Variants in COL19A1 observed in about 807,000 individuals in gnomAD.
COL19A1 encodes collagen alpha-1(XIX) chain.
Under a neutral mutation model 190.2 loss-of-function variants are expected in COL19A1, and 159 were observed. The ratio of observed to expected loss-of-function variants is 0.84; its 90% CI spans 0.73 to 0.95. The LOEUF (loss-of-function observed/expected upper bound fraction) is 0.95. Ranked by LOEUF, COL19A1 falls within the 40% of genes least tolerant of loss-of-function variation. The pLI is 0.00. For missense variants in COL19A1, 1,418 were observed against 1,431.9 expected (o/e 0.99, Z 0.16); for synonymous variants, 509 against 458.9 (o/e 1.11, Z -1.39).
rs73746887 is a variant in COL19A1 at position 70,167,428 on chromosome 6, G to C, written c.2446-597G>C. 7.1e-3 allele frequency among the ~76,000 whole-genome samples: 1,079 copies of C among 152,126 alleles called. 14 individuals carry two copies. The highest frequency in any genetic ancestry group is 0.021 in the African/African-American group (881 of 41,508). ...AACTATAGAATAAGTTCTCCTTTAA[G>C]TGTTGGTTACTCTAGGACATGTCAA... On this transcript the variant is annotated intron_variant, in intron 37 of 50. Coordinates refer to ENST00000620364, the MANE Select transcript of COL19A1 (RefSeq NM_001858.6).
intron 14 of COL19A1, among the ~76,000 whole-genome samples, chr6:70,049,227 A>G (rs1024843212): frequency 1.3e-5 from 2 of 151,976 alleles, no homozygotes; most frequent in African/African-American, 4.8e-5. Flanking sequence ...GAAACTAGTA[A>G]TCCAACTTAG....
rs554603409 is a variant in COL19A1, at chr6:70,135,416, C to G, written c.1384-2269C>G. On this transcript the variant is annotated intron_variant, in intron 18 of 50. Coordinates refer to ENST00000620364, the MANE Select transcript of COL19A1 (RefSeq NM_001858.6). ...GTCCTTCTGGTGACCAGCCCAATCC[C>G]GAAGCTACCTAGGGGCTGCCAGCTA... Among the ~76,000 whole-genome samples the G allele has an allele frequency of 3.3e-5, 5 of 152,268 alleles. No individual in the cohort carries two copies. In the East Asian group the frequency reaches 9.6e-4, roughly 29 times the overall value.
In COL19A1 at chr6:70,161,902, T is replaced by A. The variant is rs749768779; in HGVS notation, c.2295T>A (p.Gly765=). The A allele has an allele frequency of 1.1e-5, 18 of 1,606,934 alleles. No individual in the cohort carries two copies. The East Asian group carries it at 4.0e-4, about 36-fold the overall frequency. The change falls in exon 35 of 51, where the codon GGT becomes GGA. Residue 765 remains glycine (G), a splice_region_variant and synonymous_variant. Transcript: ENST00000620364. ...PGIPGEKGDE[G]LQGIPGIPGA... is the part of the protein sequence containing the mutation. ...ATGATGGGAACTATCTTTTCCAGGG[T>A]CTTCAAGGAATTCCAGGCATTCCAG... is the stretch of plus-strand genomic sequence containing the variant.
chr6:70,078,060 C>T (rs1408709033), intron 15 of COL19A1, among the ~76,000 whole-genome samples: 1 of 151,980 alleles, frequency 6.6e-6, no homozygotes, highest in Non-Finnish European at 1.5e-5. Flanking sequence ...TATTTGTCTT[C>T]GAAAGTATTT....
intron 47 of COL19A1, among the ~76,000 whole-genome samples, chr6:70,188,846 A>C (rs1234110621): frequency 6.6e-6 from 1 of 152,188 alleles, no homozygotes; most frequent in African/African-American, 2.4e-5. Flanking sequence ...CCATGTTAGG[A>C]AGAAAGGAGG....
intron 14 of COL19A1, among the ~76,000 whole-genome samples, chr6:70,045,646 G>A (rs1441418872): frequency 1.3e-5 from 2 of 152,186 alleles, no homozygotes; most frequent in African/African-American, 4.8e-5. Context: ...AGTTTGCACT[G>A]TGTATGTTTG....
At chr6:70,188,390 G>T in intron 47 of COL19A1, 145 bp downstream of exon 47, 1 of 956,648 alleles carries the variant, frequency 1.0e-6, no homozygotes, top group Non-Finnish European at 1.5e-6. Flanking sequence ...GTCATTTAAA[G>T]TTATGTGCCA....
intron 14 of COL19A1, among the ~76,000 whole-genome samples, chr6:70,057,594 G>A (rs910431208): frequency 3.9e-5 from 6 of 152,036 alleles, no homozygotes; most frequent in East Asian, 1.9e-4. Flanking sequence ...AATCTCTTCT[G>A]TTCATGTTGT....
At chr6:69,969,953 G>A (rs974610395) in intron 11 of COL19A1, among the ~76,000 whole-genome samples, 3 of 152,160 alleles carry the variant, frequency 2.0e-5, no homozygotes, top group African/African-American at 7.2e-5. Context: ...AGCATATAAA[G>A]CCTCTTTAGC....
chr6:69,896,228 A>G (rs1769730250), intron 2 of COL19A1, among the ~76,000 whole-genome samples: 2 of 152,170 alleles, frequency 1.3e-5, no homozygotes, highest in South Asian at 4.1e-4. Context: ...GTTCATATAT[A>G]TTTAGCTTTA....
chr6:70,172,086 G>T (rs1427065422), intron 41 of COL19A1, 69 bp downstream of exon 41: 59 of 1,439,658 alleles, frequency 4.1e-5, no homozygotes, highest in Non-Finnish European at 5.6e-5. Context: ...CACCTAATGT[G>T]CCAAAAACTG....
At chr6:70,028,463 G>A (rs1413321586) in intron 12 of COL19A1, among the ~76,000 whole-genome samples, 1 of 152,066 alleles carries the variant, frequency 6.6e-6, no homozygotes, top group Non-Finnish European at 1.5e-5. Context: ...AGTCTGTCTG[G>A]GCATCGTGAC....
intron 2 of COL19A1, among the ~76,000 whole-genome samples, chr6:69,885,546 G>A (rs1456993935): frequency 1.3e-5 from 2 of 152,044 alleles, no homozygotes; most frequent in Non-Finnish European, 2.9e-5. Flanking sequence ...TATTTTGTTA[G>A]TCCTTATGTT....
At chr6:70,049,089 A>G (rs1173293837) in intron 14 of COL19A1, among the ~76,000 whole-genome samples, 1 of 151,930 alleles carries the variant, frequency 6.6e-6, no homozygotes, top group Non-Finnish European at 1.5e-5. Flanking sequence ...TCAATTTAAG[A>G]TTATTTTAAA....
chr6:70,072,959 T>TTTTTTTTATTTATTTA (rs377498931), intron 15 of COL19A1, among the ~76,000 whole-genome samples: 3 of 144,104 alleles, frequency 2.1e-5, no homozygotes, highest in Admixed American at 1.4e-4. Flanking sequence ...ATTGCCTGAA[T>TTTTTTTTATTTATTTA]TTTATTTATT....
chr6:70,023,131 CTAT>C (rs1778511450), intron 11 of COL19A1, among the ~76,000 whole-genome samples: 3 of 142,230 alleles, frequency 2.1e-5, no homozygotes, highest in Middle Eastern at 3.2e-3. Context: ...TTTTATGCAG[CTAT>C]TTTTTTTTTT....
chr6:70,002,572 T>C (rs965865446), intron 11 of COL19A1, among the ~76,000 whole-genome samples: 1 of 151,472 alleles, frequency 6.6e-6, no homozygotes, highest in African/African-American at 2.4e-5. Context: ...TTCATCCTGG[T>C]TTAGTCTTGA....
At chr6:70,067,023 G>T (rs1269963872) in intron 14 of COL19A1, among the ~76,000 whole-genome samples, 1 of 152,236 alleles carries the variant, frequency 6.6e-6, no homozygotes, top group South Asian at 2.1e-4. Context: ...ATAAAATATA[G>T]ATTCTGTTAT....
At chr6:69,936,747 A>T (rs1055651904) in intron 7 of COL19A1, 38 bp from the exon 8 acceptor site, 31 of 1,608,374 alleles carry the variant, frequency 1.9e-5, no homozygotes, top group Non-Finnish European at 2.5e-5. Flanking sequence ...AATGTTTGGA[A>T]TTGACCCCAT....
Sources: allele counts gnomAD v4.1 joint callset (sites outside exome capture counted in the v4.1 genomes callset), GRCh38; gene constraint gnomAD v4.1.1; transcripts MANE v1.5; gene names NCBI Gene and HGNC (gene_info 2026-07-23, HGNC 2026-07-21).